Variants in EXOC4 observed in about 807,000 individuals in gnomAD.
The protein encoded by EXOC4 is exocyst complex component 4.
Under a neutral mutation model 107.2 loss-of-function variants are expected in EXOC4, and 71 were observed. The ratio of observed to expected loss-of-function variants is 0.66; its 90% CI spans 0.55 to 0.81. EXOC4 has a LOEUF of 0.81. Among genes scored for constraint, EXOC4 ranks in the 30% least tolerant of loss-of-function variants. The pLI is 0.00. For missense variants in EXOC4, 1,108 were observed against 1,189.6 expected, an observed-to-expected ratio of 0.93 and a Z score of 1.01; for synonymous variants, 456 against 441.2, an observed-to-expected ratio of 1.03 and a Z score of -0.42.
At chr7:133,797,780 T>C (rs1201759192) in intron 10 of EXOC4, among the ~76,000 whole-genome samples, 1 of 152,232 alleles carries the variant, frequency 6.6e-6, no homozygotes, top group Non-Finnish European at 1.5e-5. Context: ...CAAGCTTACA[T>C]TTATTCAGCA....
intron 9 of EXOC4, among the ~76,000 whole-genome samples, chr7:133,546,253 C>CA (rs376954468): frequency 1.9e-4 from 23 of 119,322 alleles, no homozygotes; most frequent in African/African-American, 7.2e-4. Context: ...AGCTGGAAAA[C>CA]TTTTTTTTTT....
rs1264104801 is a variant in EXOC4, at chr7:133,932,506, T to C, written c.2028-5385T>C. Reference sequence around the variant, plus strand: ...CAGTGCAGTGAATGCATATGTACCATATACTGACTGAGATTTCCTGACCAC... The same window carrying C: ...CAGTGCAGTGAATGCATATGTACCACATACTGACTGAGATTTCCTGACCAC... On this transcript the variant is annotated intron_variant, in intron 13 of 17. Coordinates refer to ENST00000253861, the MANE Select transcript of EXOC4 (RefSeq NM_021807.4). Among the ~76,000 whole-genome samples the C allele has an allele frequency of 2.0e-5, 3 of 152,220 alleles. No individual in the cohort carries two copies. In the East Asian group the frequency reaches 5.8e-4, roughly 29 times the overall value.
chr7:133,507,010 A>G (rs895216137), intron 9 of EXOC4, among the ~76,000 whole-genome samples: 3 of 152,044 alleles, frequency 2.0e-5, no homozygotes, highest in African/African-American at 7.2e-5. Context: ...TTTAGATAAG[A>G]TTTAATTTGG....
At chr7:133,707,609 T>TA (rs1554389306) in intron 10 of EXOC4, among the ~76,000 whole-genome samples, 4 of 152,106 alleles carry the variant, frequency 2.6e-5, no homozygotes, top group Admixed American at 6.5e-5. Flanking sequence ...GCCCTTTATT[T>TA]TTTATTTATT....
At position 133,322,063 on chromosome 7, in the gene EXOC4, G is replaced by T. The variant is rs1295941039; in HGVS notation, c.763+4673G>T. On this transcript the variant is annotated intron_variant, in intron 5 of 17. Transcript: ENST00000253861. ...TATCCTTCACCCACTTTTTGATGGG[G>T]TTGTTTGTTTTTTTCTTGTACATTT... Among the ~76,000 whole-genome samples the T allele has an allele frequency of 3.3e-5, 5 of 152,258 alleles. No individual in the cohort carries two copies. In the East Asian group the frequency reaches 9.6e-4, roughly 29 times the overall value.
intron 11 of EXOC4, among the ~76,000 whole-genome samples, chr7:133,843,987 C>T (rs923540926): frequency 1.3e-5 from 2 of 152,114 alleles, no homozygotes; most frequent in African/African-American, 2.4e-5. Flanking sequence ...GTATGTTGAA[C>T]CAATCTTGCA....
At chr7:133,651,654 G>A (rs1416681884) in intron 10 of EXOC4, among the ~76,000 whole-genome samples, 1 of 152,106 alleles carries the variant, frequency 6.6e-6, no homozygotes, top group Non-Finnish European at 1.5e-5. Context: ...GAGTTGCCCA[G>A]AAGGACCACA....
At chr7:134,009,241 C>A (rs1309817547) in intron 17 of EXOC4, among the ~76,000 whole-genome samples, 1 of 151,990 alleles carries the variant, frequency 6.6e-6, no homozygotes, top group Non-Finnish European at 1.5e-5. Flanking sequence ...TTTCTGTGGT[C>A]TTTTCACTTG....
chr7:133,830,416 G>C (rs951065514), intron 11 of EXOC4, among the ~76,000 whole-genome samples: 8 of 152,184 alleles, frequency 5.3e-5, no homozygotes, highest in Non-Finnish European at 1.2e-4. Flanking sequence ...TTTTCTTCCA[G>C]CCTTTCAAAA....
At chr7:133,802,986 A>G (rs773204900) in intron 10 of EXOC4, among the ~76,000 whole-genome samples, 184 of 152,168 alleles carry the variant, frequency 1.2e-3, no homozygotes, top group Non-Finnish European at 2.1e-3. Flanking sequence ...TAAAGACATT[A>G]ATAAGTGTGA....
At chr7:133,857,517 A>G (rs1409544217) in intron 11 of EXOC4, among the ~76,000 whole-genome samples, 2 of 147,318 alleles carry the variant, frequency 1.4e-5, no homozygotes, top group Non-Finnish European at 3.0e-5. Context: ...CTGGGCTGCC[A>G]GGCTGTGCTG....
intron 7 of EXOC4, among the ~76,000 whole-genome samples, chr7:133,424,646 A>G (rs751166845): frequency 1.3e-5 from 2 of 152,240 alleles, no homozygotes; most frequent in Non-Finnish European, 2.9e-5. Context: ...AGCGTTACTC[A>G]TAAAAAGATA....
chr7:133,398,921 C>A (rs963638755), intron 7 of EXOC4, among the ~76,000 whole-genome samples: 1 of 152,128 alleles, frequency 6.6e-6, no homozygotes, highest in Non-Finnish European at 1.5e-5. Context: ...TTTTTAATTA[C>A]ATTTATAAAG....
chr7:133,488,369 A>G (rs1799309202), intron 9 of EXOC4, among the ~76,000 whole-genome samples: 1 of 152,148 alleles, frequency 6.6e-6, no homozygotes, highest in Non-Finnish European at 1.5e-5. Context: ...ACAACAGGTA[A>G]AAGTGGAGAT....
intron 10 of EXOC4, among the ~76,000 whole-genome samples, chr7:133,679,538 GTCCGTCCATCCATCCATCCA>G (rs1430135580): frequency 2.6e-4 from 37 of 143,048 alleles, no homozygotes; most frequent in Non-Finnish European, 7.6e-5. Context: ...CCATCCGTCC[GTCCGTCCATCCATCCATCCA>G]TCCATCCATC....
chr7:133,804,899 C>T (rs916449342), intron 10 of EXOC4, among the ~76,000 whole-genome samples: 1 of 152,084 alleles, frequency 6.6e-6, no homozygotes, highest in Non-Finnish European at 1.5e-5. Context: ...GTATTTCTTT[C>T]CTAAAACATA....
chr7:133,336,827 G>A (rs1394769130), intron 5 of EXOC4, among the ~76,000 whole-genome samples: 3 of 151,878 alleles, frequency 2.0e-5, no homozygotes, highest in East Asian at 1.9e-4. Flanking sequence ...TCCGCCTCCC[G>A]GGTTCAAGCA....
intron 9 of EXOC4, among the ~76,000 whole-genome samples, chr7:133,627,696 A>C: frequency 6.6e-6 from 1 of 152,196 alleles, no homozygotes; most frequent in African/African-American, 2.4e-5. Flanking sequence ...TGTTTGTGTC[A>C]GTCTTCATGC....
chr7:133,855,487 GAT>G (rs1798355995), intron 11 of EXOC4, among the ~76,000 whole-genome samples: 1 of 152,038 alleles, frequency 6.6e-6, no homozygotes, highest in Non-Finnish European at 1.5e-5. Context: ...CACATTTGGA[GAT>G]ATGTGGCTTT....
Sources: allele counts gnomAD v4.1 joint callset (sites outside exome capture counted in the v4.1 genomes callset), GRCh38; gene constraint gnomAD v4.1.1; transcripts MANE v1.5; gene names NCBI Gene and HGNC (gene_info 2026-07-23, HGNC 2026-07-21).